The following MKLN1 variants were observed in gnomAD, a reference collection of about 807,000 sequenced individuals.
The protein encoded by MKLN1 is muskelin 1.
Under a neutral mutation model 99.0 loss-of-function variants are expected in MKLN1, and 18 were observed. The ratio of observed to expected loss-of-function variants is 0.18; its 90% CI spans 0.13 to 0.27. MKLN1 has a LOEUF of 0.27. Ranked by LOEUF, MKLN1 falls within the 10% of genes least tolerant of loss-of-function variation. The pLI, the probability that MKLN1 is intolerant of heterozygous loss-of-function variation, is 1.00. For missense variants in MKLN1, 621 were observed against 875.9 expected, an observed-to-expected ratio of 0.71 and a Z score of 3.67; for synonymous variants, 288 against 293.2, an observed-to-expected ratio of 0.98 and a Z score of 0.18.
chr7:131,414,424 A>G (rs1794958791), intron 7 of MKLN1, among the ~76,000 whole-genome samples: 1 of 152,132 alleles, frequency 6.6e-6, no homozygotes, highest in Non-Finnish European at 1.5e-5. Context: ...AATAACTTCC[A>G]AGTTCATTAA....
At position 131,192,203 on chromosome 7, in the gene MKLN1, CAA is replaced by C. The variant is rs1563247493; in HGVS notation, c.-296-10653_-296-10652del. Among the ~76,000 whole-genome samples, 50 of 63,796 alleles carry C rather than the reference CAA, an allele frequency of 7.8e-4. 5 individuals are homozygous for C. Among genetic ancestry groups the C allele is most frequent in the Admixed American group, 2.3e-3 (10 of 4,370 alleles). The allele number at this position is 63,796 out of a possible 152,430, so 41.9% of individuals were successfully genotyped here. The stretch of plus-strand genomic sequence containing the variant: ...AAAAATATATAAAATATAATATATA[CAA>C]TATATAAATATATAAAATATATACA... On this transcript the variant is annotated intron_variant, in intron 2 of 7. Coordinates refer to the MKLN1 transcript ENST00000416992.
At chr7:131,223,604 C>A (rs941619200) in intron 3 of MKLN1, among the ~76,000 whole-genome samples, 3 of 152,154 alleles carry the variant, frequency 2.0e-5, no homozygotes, top group Non-Finnish European at 4.4e-5. Context: ...ATTCCCAAGG[C>A]CTCTGCCCAT....
At chr7:131,170,038 T>C (rs965742615) in intron 2 of MKLN1, among the ~76,000 whole-genome samples, 5 of 152,236 alleles carry the variant, frequency 3.3e-5, no homozygotes, top group African/African-American at 1.2e-4. Flanking sequence ...TATAGTGAGC[T>C]ACGATCATGC....
At chr7:131,391,853 AT>A (rs1460935006) in intron 4 of MKLN1, among the ~76,000 whole-genome samples, 4 of 152,168 alleles carry the variant, frequency 2.6e-5, no homozygotes, top group African/African-American at 9.7e-5. Flanking sequence ...TCGTACTTAT[AT>A]TTTTAAAGTT....
intron 3 of MKLN1, among the ~76,000 whole-genome samples, chr7:131,286,536 C>G (rs1798134913): frequency 6.6e-6 from 1 of 152,150 alleles, no homozygotes; most frequent in Admixed American, 6.6e-5. Flanking sequence ...CCAGGAAGCA[C>G]TGCCATCATT....
At chr7:131,440,986 G>A (rs556602879) in intron 10 of MKLN1, among the ~76,000 whole-genome samples, 1 of 152,284 alleles carries the variant, frequency 6.6e-6, no homozygotes, top group East Asian at 1.9e-4. Context: ...ACTGGTATCA[G>A]ATTTCTCTAC....
intron 3 of MKLN1, among the ~76,000 whole-genome samples, chr7:131,284,784 T>A (rs1798108087): frequency 6.6e-6 from 1 of 152,096 alleles, no homozygotes; most frequent in African/African-American, 2.4e-5. Flanking sequence ...CGCTGGGTGG[T>A]GTCACTGTGT....
At chr7:131,421,135 G>A (rs1795179137) in intron 8 of MKLN1, among the ~76,000 whole-genome samples, 1 of 152,154 alleles carries the variant, frequency 6.6e-6, no homozygotes, top group Admixed American at 6.5e-5. Context: ...ATTTGTTAAA[G>A]TAAAATTTGT....
chr7:131,230,231 G>T (rs1223738813), intron 3 of MKLN1, among the ~76,000 whole-genome samples: 1 of 152,130 alleles, frequency 6.6e-6, no homozygotes, highest in African/African-American at 2.4e-5. Context: ...ATATGGGTCA[G>T]TTGTGCCCAA....
intron 8 of MKLN1, among the ~76,000 whole-genome samples, chr7:131,415,711 C>T (rs1267066413): frequency 6.6e-6 from 1 of 151,896 alleles, no homozygotes; most frequent in East Asian, 1.9e-4. Flanking sequence ...GCTATAGAGT[C>T]TTAGGCATCT....
chr7:131,264,916 G>A (rs1240792167), intron 3 of MKLN1, among the ~76,000 whole-genome samples: 1 of 152,086 alleles, frequency 6.6e-6, no homozygotes, highest in African/African-American at 2.4e-5. Context: ...TCGGCTCACT[G>A]CAACCTCCGT....
intron 2 of MKLN1, among the ~76,000 whole-genome samples, chr7:131,167,028 C>T (rs543364744): frequency 6.6e-6 from 1 of 152,186 alleles, no homozygotes. Context: ...TCCTGATCAT[C>T]CTGTACAGAA....
intron 8 of MKLN1, among the ~76,000 whole-genome samples, chr7:131,425,464 G>C (rs554234088): frequency 6.6e-6 from 1 of 152,054 alleles, no homozygotes; most frequent in South Asian, 2.1e-4. Flanking sequence ...TCTGCCCTGC[G>C]TTATGTTGCT....
At chr7:131,422,303 T>G (rs1374570207) in intron 8 of MKLN1, among the ~76,000 whole-genome samples, 1 of 152,140 alleles carries the variant, frequency 6.6e-6, no homozygotes, top group Non-Finnish European at 1.5e-5. Context: ...ATCCCAGAGT[T>G]TTGGGATGCT....
chr7:131,364,580 C>G (rs1013819023), intron 1 of MKLN1, among the ~76,000 whole-genome samples: 1 of 151,848 alleles, frequency 6.6e-6, no homozygotes, highest in Non-Finnish European at 1.5e-5. Context: ...GGTATTAAGC[C>G]TAGTACCCAG....
chr7:131,158,147 AT>A (rs1188822344), intron 2 of MKLN1, among the ~76,000 whole-genome samples: 1 of 152,190 alleles, frequency 6.6e-6, no homozygotes, highest in African/African-American at 2.4e-5. Flanking sequence ...GAAAGATCTT[AT>A]TGAGACTTCT....
chr7:131,480,356 G>A (rs1376934112), intron 17 of MKLN1, among the ~76,000 whole-genome samples: 1 of 152,110 alleles, frequency 6.6e-6, no homozygotes, highest in Non-Finnish European at 1.5e-5. Flanking sequence ...TTCATTATTT[G>A]ACCTTTTATC....
intron 2 of MKLN1, among the ~76,000 whole-genome samples, chr7:131,153,663 G>GTTTTT (rs144256871): frequency 1.5e-4 from 20 of 135,208 alleles, no homozygotes; most frequent in African/African-American, 2.0e-4. Flanking sequence ...GGTTTTTTTT[G>GTTTTT]GTTTTTTTTT....
At chr7:131,312,552 A>G (rs1798585950) in intron 3 of MKLN1, among the ~76,000 whole-genome samples, 1 of 152,092 alleles carries the variant, frequency 6.6e-6, no homozygotes, top group Non-Finnish European at 1.5e-5. Context: ...ACCTTTTACA[A>G]CTTGCTTACA....
Sources: gnomAD v4.1 joint callset for allele counts (sites outside exome capture counted in the v4.1 genomes callset) on GRCh38, gnomAD v4.1.1 for gene constraint, MANE v1.5 for transcripts, NCBI Gene and HGNC (gene_info 2026-07-23, HGNC 2026-07-21) for gene names.